Variants in GNB1 observed in about 807,000 individuals in gnomAD.
The protein encoded by GNB1 is G protein subunit beta 1, also known as guanine nucleotide-binding protein G(I)/G(S)/G(T) subunit beta-1.
GNB1 carries 2 observed loss-of-function variants against 42.9 expected under a neutral mutation model. The ratio of observed to expected loss-of-function variants is 0.05; its 90% CI spans 0.02 to 0.15. GNB1 has a LOEUF of 0.15. Ranked by LOEUF, GNB1 falls within the 10% of genes least tolerant of loss-of-function variation. The probability of loss-of-function intolerance (pLI) is 1.00; values close to 1 mark genes in which losing one functional copy is unlikely to be tolerated. For synonymous variants in GNB1, 183 were observed against 174.7 expected (o/e 1.05, Z -0.38); for missense variants, 193 against 462.2 (o/e 0.42, Z 5.34).
intron 1 of GNB1, among the ~76,000 whole-genome samples, chr1:1,851,553 C>G (rs1647985303): frequency 6.6e-6 from 1 of 150,800 alleles, no homozygotes; most frequent in African/African-American, 2.4e-5. Context: ...GACTGTGTCT[C>G]AAAAATTAAC....
At chr1:1,798,742 G>A (rs1020851141) in intron 7 of GNB1, among the ~76,000 whole-genome samples, 17 of 152,116 alleles carry the variant, frequency 1.1e-4, no homozygotes, top group African/African-American at 4.1e-4. Flanking sequence ...CGCTCTTGTT[G>A]CCCAGGCTGG....
intron 2 of GNB1, among the ~76,000 whole-genome samples, chr1:1,837,011 C>A (rs1006827038): frequency 6.6e-6 from 1 of 151,708 alleles, no homozygotes; most frequent in Admixed American, 6.6e-5. Flanking sequence ...AGAGTTCTTA[C>A]CTATTCTGGA....
chr1:1,860,969 A>T (rs986807497), intron 1 of GNB1, among the ~76,000 whole-genome samples: 1 of 151,100 alleles, frequency 6.6e-6, no homozygotes, highest in Non-Finnish European at 1.5e-5. Flanking sequence ...TTAGCTGGGC[A>T]TGGTGGCACG....
chr1:1,882,442 A>T (rs1649902620), intron 1 of GNB1, among the ~76,000 whole-genome samples: 1 of 151,728 alleles, frequency 6.6e-6, no homozygotes, highest in Admixed American at 6.6e-5. Context: ...AAAAAAAAAA[A>T]AAAAAAAAGA....
intron 1 of GNB1, among the ~76,000 whole-genome samples, chr1:1,878,019 A>G (rs1018939575): frequency 6.6e-5 from 10 of 152,180 alleles, no homozygotes; most frequent in Admixed American, 2.6e-4. Context: ...GCAGGTCTAT[A>G]ATGCATAGGC....
intron 7 of GNB1, among the ~76,000 whole-genome samples, chr1:1,798,839 C>T (rs541031479): frequency 1.3e-5 from 2 of 152,186 alleles, no homozygotes; most frequent in African/African-American, 4.8e-5. Flanking sequence ...GTAGCTGGGA[C>T]TACAAGTGCA....
rs373455868 is a variant in GNB1, at chr1:1,804,594, A to G, written c.268-13T>C. ...GGATGGCGTGGACCTAATGACAGAA[A>G]GACAGATGATGCAAACAACTTTATG... On this transcript the variant is annotated splice_polypyrimidine_tract_variant and intron_variant, in intron 6 of 11. Transcript: ENST00000378609. 1.3e-6 allele frequency: 2 copies of G among 1,551,354 alleles called. No homozygotes were observed. Among genetic ancestry groups the G allele is most frequent in the African/African-American group, 2.8e-5 (2 of 72,162 alleles).
chr1:1,888,923 T>C (rs1169143213), intron 1 of GNB1, among the ~76,000 whole-genome samples: 1 of 152,078 alleles, frequency 6.6e-6, no homozygotes. Context: ...CTCAGACCTG[T>C]CTCCATGTCA....
intron 1 of GNB1, among the ~76,000 whole-genome samples, chr1:1,859,781 C>A (rs939364091): frequency 6.6e-6 from 1 of 151,324 alleles, no homozygotes; most frequent in Non-Finnish European, 1.5e-5. Context: ...GGCCGAGAGG[C>A]GGGCAAATCA....
At chr1:1,834,795 A>C (rs1378534737) in intron 2 of GNB1, among the ~76,000 whole-genome samples, 1 of 151,572 alleles carries the variant, frequency 6.6e-6, no homozygotes, top group Non-Finnish European at 1.5e-5. Flanking sequence ...CAGCCTCCCA[A>C]GTAGCCAGGA....
intron 2 of GNB1, among the ~76,000 whole-genome samples, chr1:1,828,869 C>T (rs998154154): frequency 4.7e-5 from 7 of 148,986 alleles, no homozygotes; most frequent in South Asian, 4.3e-4. Flanking sequence ...TGGCAAAACG[C>T]TGTGTACACA....
chr1:1,820,641 T>C lies in GNB1; in HGVS notation c.58-2766A>G, dbSNP rs558385261. Among the ~76,000 whole-genome samples the C allele has an allele frequency of 2.6e-5, 4 of 152,312 alleles. 1 individual carries two copies. The South Asian group carries it at 8.3e-4, about 32-fold the overall frequency. On this transcript the variant is annotated intron_variant, in intron 3 of 11. Transcript: ENST00000378609. ...TACTATTCTTGTTGATGTTACAGCCTTTGATTTTAAAACATCATAAGAAAA... is the reference window on the plus strand; with the variant it reads ...TACTATTCTTGTTGATGTTACAGCCCTTGATTTTAAAACATCATAAGAAAA...
intron 1 of GNB1, among the ~76,000 whole-genome samples, chr1:1,859,827 A>C (rs1487723499): frequency 6.6e-6 from 1 of 151,630 alleles, no homozygotes; most frequent in African/African-American, 2.4e-5. Flanking sequence ...ATCCTTGCCA[A>C]CACGGTAAAC....
chr1:1,851,105 T>C (rs1437555713), intron 1 of GNB1, among the ~76,000 whole-genome samples: 1 of 151,938 alleles, frequency 6.6e-6, no homozygotes, highest in Non-Finnish European at 1.5e-5. Context: ...CCGTCTCTAC[T>C]AAAAATACAA....
intron 1 of GNB1, among the ~76,000 whole-genome samples, chr1:1,850,097 C>A (rs1647900181): frequency 6.6e-6 from 1 of 151,784 alleles, no homozygotes; most frequent in Non-Finnish European, 1.5e-5. Context: ...GCCTGAGTAG[C>A]TGGGATTACA....
intron 1 of GNB1, among the ~76,000 whole-genome samples, chr1:1,851,040 C>A (rs1262991845): frequency 2.0e-5 from 3 of 152,054 alleles, no homozygotes; most frequent in Non-Finnish European, 4.4e-5. Context: ...GAGGCCAAGG[C>A]GGGCGGATCA....
At position 1,785,970 on chromosome 1, in the gene GNB1, C is replaced by T. The variant is rs1330496202; in HGVS notation, c.*1093G>A. On this transcript the variant is annotated 3_prime_UTR_variant, in exon 12 of 12. Coordinates refer to ENST00000378609, the MANE Select transcript of GNB1 (RefSeq NM_002074.5). ...AGGTTATTTCTTAAAAGAAAAAGAACACCTAAGGACTGAGTCCCATATGCA... is the reference window on the plus strand; with the variant it reads ...AGGTTATTTCTTAAAAGAAAAAGAATACCTAAGGACTGAGTCCCATATGCA... 7 of 398,748 alleles carry T rather than the reference C, an allele frequency of 1.8e-5. No homozygotes were observed. The highest frequency in any genetic ancestry group is 2.7e-5 in the Non-Finnish European group (6 of 226,062). The allele number at this position is 398,748 out of a possible 1,614,324, so 24.7% of individuals were successfully genotyped here.
At chr1:1,859,615 G>C (rs954425571) in intron 1 of GNB1, among the ~76,000 whole-genome samples, 2 of 151,904 alleles carry the variant, frequency 1.3e-5, no homozygotes, top group South Asian at 4.2e-4. Context: ...GGCAGGAGTG[G>C]GGGAGGAAAG....
At chr1:1,855,409 C>T (rs1447143914) in intron 1 of GNB1, among the ~76,000 whole-genome samples, 1 of 150,922 alleles carries the variant, frequency 6.6e-6, no homozygotes, top group African/African-American at 2.4e-5. Context: ...GCAAGCAAAA[C>T]AATAACTCCC....
Sources: gnomAD v4.1 joint callset for allele counts (sites outside exome capture counted in the v4.1 genomes callset) on GRCh38, gnomAD v4.1.1 for gene constraint, MANE v1.5 for transcripts, NCBI Gene and HGNC (gene_info 2026-07-23, HGNC 2026-07-21) for gene names.